NFILZ: variants seen among roughly 807,000 people sequenced by gnomAD.
NFILZ encodes the protein NFIL3 like protein.
intron 4 of NFILZ, among the ~76,000 whole-genome samples, chr19:8,675,982 A>G (rs2043108444): frequency 6.6e-6 from 1 of 152,182 alleles, no homozygotes; most frequent in Non-Finnish European, 1.5e-5. Flanking sequence ...AAAAAAATGA[A>G]TCTCTCAGTG....
intron 3 of NFILZ, among the ~76,000 whole-genome samples, chr19:8,639,599 T>TAA (rs5827009): frequency 4.5e-5 from 6 of 132,754 alleles, no homozygotes; most frequent in East Asian, 4.3e-4. Flanking sequence ...TTAAGAAAAT[T>TAA]AAAAAAAAAA....
intron 3 of NFILZ, among the ~76,000 whole-genome samples, chr19:8,640,865 G>A (rs560121188): frequency 1.3e-5 from 2 of 152,288 alleles, no homozygotes; most frequent in Admixed American, 1.3e-4. Flanking sequence ...TATGGGATAA[G>A]CCCAGAACTG....
intron 3 of NFILZ, among the ~76,000 whole-genome samples, chr19:8,653,502 G>A (rs1008604241): frequency 1.3e-5 from 2 of 152,138 alleles, no homozygotes; most frequent in African/African-American, 2.4e-5. Flanking sequence ...AACGCTGCTC[G>A]AAATAAATGT....
At chr19:8,638,519 T>A (rs2042905105) in intron 3 of NFILZ, 1 of 152,200 alleles carries the variant, frequency 6.6e-6, no homozygotes, top group Non-Finnish European at 1.5e-5. Flanking sequence ...CAACAAATAT[T>A]TACGGAACGA....
At chr19:8,642,192 A>G (rs1316327454) in intron 3 of NFILZ, among the ~76,000 whole-genome samples, 6 of 149,412 alleles carry the variant, frequency 4.0e-5, no homozygotes, top group Admixed American at 1.3e-4. Context: ...TTTTAAGTGT[A>G]GACCCGAGTT....
At chr19:8,639,939 G>A (rs2042911968) in intron 3 of NFILZ, among the ~76,000 whole-genome samples, 1 of 152,096 alleles carries the variant, frequency 6.6e-6, no homozygotes, top group South Asian at 2.1e-4. Context: ...GCCCTACTGG[G>A]GTTGCCATGT....
chr19:8,644,619 C>T (rs1476765705), intron 3 of NFILZ, among the ~76,000 whole-genome samples: 12 of 152,032 alleles, frequency 7.9e-5, no homozygotes, highest in African/African-American at 2.9e-4. Context: ...TGCTACCATG[C>T]CTGGCTATTA....
intron 3 of NFILZ, among the ~76,000 whole-genome samples, chr19:8,661,104 T>TCCCTTCCTTCC (rs2043029417): frequency 3.3e-5 from 1 of 30,310 alleles, no homozygotes; most frequent in Non-Finnish European, 6.4e-5. Flanking sequence ...CCCTTCCTCC[T>TCCCTTCCTTCC]TCCTTCCTTC....
At chr19:8,670,603 G>A (rs2043082108) in intron 3 of NFILZ, among the ~76,000 whole-genome samples, 1 of 152,230 alleles carries the variant, frequency 6.6e-6, no homozygotes, top group African/African-American at 2.4e-5. Flanking sequence ...CAAAGGGGTG[G>A]ATGCCGGAGA....
intron 2 of NFILZ, among the ~76,000 whole-genome samples, chr19:8,633,747 G>A (rs934130820): frequency 6.6e-6 from 1 of 152,286 alleles, no homozygotes; most frequent in East Asian, 1.9e-4. Context: ...CTGCCTCCTG[G>A]TCAAGGGAGC....
At chr19:8,665,700 T>C (rs2043058864) in intron 3 of NFILZ, among the ~76,000 whole-genome samples, 1 of 152,194 alleles carries the variant, frequency 6.6e-6, no homozygotes, top group Non-Finnish European at 1.5e-5. Context: ...GGTACACAAG[T>C]GCCCATCTTA....
intron 4 of NFILZ, among the ~76,000 whole-genome samples, chr19:8,675,037 T>C (rs1162896938): frequency 6.6e-6 from 1 of 152,214 alleles, no homozygotes; most frequent in Non-Finnish European, 1.5e-5. Context: ...TTTTCATTCA[T>C]GTGTTCATTC....
rs376507592 is a variant in NFILZ, at chr19:8,636,753, G to A, written c.-164+1007G>A. Among the ~76,000 whole-genome samples, 86 of 152,008 alleles carry A rather than the reference G, an allele frequency of 5.7e-4. 1 individual carries two copies. Among genetic ancestry groups the A allele is most frequent in the Middle Eastern group, 3.4e-3 (1 of 294 alleles). ...ATTACAGGCGTGAGCCACCATGCTT[G>A]GCTAATTTTTGTATTTTTAATAGAG... On this transcript the variant is annotated intron_variant, in intron 3 of 5. Coordinates refer to ENST00000691075, the MANE Select transcript of NFILZ (RefSeq NM_001378600.1).
At chr19:8,653,820 G>A (rs1555748039) in intron 3 of NFILZ, among the ~76,000 whole-genome samples, 1 of 152,178 alleles carries the variant, frequency 6.6e-6, no homozygotes, top group African/African-American at 2.4e-5. Flanking sequence ...CCCTTGGGGT[G>A]GGAAAGGTTG....
chr19:8,669,298 A>G (rs2043076565), intron 3 of NFILZ, among the ~76,000 whole-genome samples: 1 of 152,162 alleles, frequency 6.6e-6, no homozygotes, highest in African/African-American at 2.4e-5. Context: ...GTTATTTATT[A>G]TTATCAGGTA....
At chr19:8,665,391 G>C (rs117617933) in intron 3 of NFILZ, among the ~76,000 whole-genome samples, 1 of 152,128 alleles carries the variant, frequency 6.6e-6, no homozygotes, top group Non-Finnish European at 1.5e-5. Context: ...GAGGGCTAAG[G>C]GGGTACTAAG....
At chr19:8,665,838 A>AT (rs2043059515) in intron 3 of NFILZ, among the ~76,000 whole-genome samples, 1 of 152,184 alleles carries the variant, frequency 6.6e-6, no homozygotes, top group Admixed American at 6.5e-5. Flanking sequence ...TGCCTAAACA[A>AT]TTTCTCCAGA....
chr19:8,631,648 G>A (rs2042869966), intron 1 of NFILZ, among the ~76,000 whole-genome samples: 1 of 152,136 alleles, frequency 6.6e-6, no homozygotes, highest in Non-Finnish European at 1.5e-5. Flanking sequence ...AACAGGCAGT[G>A]CTGGCCTGGC....
At position 8,678,906 on chromosome 19, in the gene NFILZ, G is replaced by C. The variant is rs1011342418; in HGVS notation, c.*1271G>C. On this transcript the variant is annotated 3_prime_UTR_variant, in exon 6 of 6. Coordinates refer to ENST00000691075, the MANE Select transcript of NFILZ (RefSeq NM_001378600.1). ...TTTCTGGTCTTGGGTTTCCTGTCCT[G>C]GGGTAGGAATGGGTGTTTGGGAAGA... Among the ~76,000 whole-genome samples, 2 of 152,144 alleles carry C rather than the reference G, an allele frequency of 1.3e-5. No individual in the cohort carries two copies. Among genetic ancestry groups the C allele is most frequent in the African/African-American group, 4.8e-5 (2 of 41,426 alleles).
Sources: allele counts gnomAD v4.1 joint callset (sites outside exome capture counted in the v4.1 genomes callset), GRCh38; gene constraint gnomAD v4.1.1; transcripts MANE v1.5; gene names NCBI Gene and HGNC (gene_info 2026-07-23, HGNC 2026-07-21).